The following ANO1 variants were observed in gnomAD, a reference collection of about 807,000 sequenced individuals.
The protein encoded by ANO1 is anoctamin 1, also known as anoctamin-1.
ANO1 carries 59 observed loss-of-function variants against 124.0 expected under a neutral mutation model. That is an observed-to-expected ratio of 0.48 (90% CI 0.39 to 0.59). The LOEUF is 0.59. Ranked by LOEUF, ANO1 falls within the 20% of genes least tolerant of loss-of-function variation. The pLI is 0.00. For synonymous variants in ANO1, 529 were observed against 532.0 expected (o/e 0.99, Z 0.08); for missense variants, 1,059 against 1,328.0 (o/e 0.80, Z 3.15).
intron 16 of ANO1, 86 bp from the exon 17 acceptor site, chr11:70,161,075 A>T: frequency 8.0e-7 from 1 of 1,248,232 alleles, no homozygotes; most frequent in Non-Finnish European, 1.1e-6. Context: ...AGGTTGGGGG[A>T]CAGCTGGACT....
chr11:70,164,864 T>G (rs952263975), intron 19 of ANO1, among the ~76,000 whole-genome samples: 3 of 152,156 alleles, frequency 2.0e-5, no homozygotes, highest in Non-Finnish European at 4.4e-5. Flanking sequence ...GGAGGCGCCC[T>G]GAGGCCCTGC....
At chr11:70,006,723 G>T (rs2120353702) in intron 1 of ANO1, among the ~76,000 whole-genome samples, 1 of 118,116 alleles carries the variant, frequency 8.5e-6, no homozygotes, top group East Asian at 2.7e-4. Context: ...AGACTGGAGT[G>T]CAGTGTTGCG....
intron 12 of ANO1, chr11:70,149,997 C>T: frequency 1.5e-6 from 1 of 678,332 alleles, no homozygotes; most frequent in South Asian, 1.5e-5. Context: ...CCAAAGTGAC[C>T]ACTCCCTGTC....
intron 16 of ANO1, among the ~76,000 whole-genome samples, chr11:70,159,482 C>T (rs2047958992): frequency 6.6e-6 from 1 of 152,206 alleles, no homozygotes; most frequent in Admixed American, 6.5e-5. Context: ...TGGTAAACCC[C>T]TGTCACAAGG....
chr11:70,136,588 A>C (rs777695837), intron 11 of ANO1, among the ~76,000 whole-genome samples: 1 of 147,496 alleles, frequency 6.8e-6, no homozygotes, highest in Non-Finnish European at 1.5e-5. Context: ...AGGGCCTGCA[A>C]GCCTCTGTGA....
intron 1 of ANO1, among the ~76,000 whole-genome samples, chr11:70,030,035 G>C (rs782179923): frequency 1.3e-5 from 2 of 152,214 alleles, no homozygotes; most frequent in African/African-American, 2.4e-5. Flanking sequence ...ATGGCTCCTA[G>C]GTGGTGCCAC....
At chr11:70,169,505 G>A (rs573091454) in intron 21 of ANO1, among the ~76,000 whole-genome samples, 11 of 150,166 alleles carry the variant, frequency 7.3e-5, no homozygotes, top group African/African-American at 2.7e-4. Flanking sequence ...CAGCTCCCTG[G>A]TCATACCCTT....
At chr11:69,996,354 C>T (rs1856271755) in intron 1 of ANO1, among the ~76,000 whole-genome samples, 1 of 152,136 alleles carries the variant, frequency 6.6e-6, no homozygotes, top group Non-Finnish European at 1.5e-5. Context: ...ATTTAAAATG[C>T]TCCCTTGGCC....
In ANO1 at chr11:70,078,650, G is replaced by A; in HGVS notation, c.44G>A (p.Arg15His). The A allele has an allele frequency of 7.3e-6, 11 of 1,500,226 alleles. No homozygotes were observed. Among genetic ancestry groups the A allele is most frequent in the East Asian group, 2.9e-5 (1 of 33,956 alleles). 92.9% of individuals were successfully genotyped at this position (1,500,226 alleles called of 1,614,324 possible). A position where few individuals can be genotyped will look rare whatever the true frequency, so the allele number is the denominator to read the frequency against. Reference sequence around the variant, plus strand: ...TACTCGACGCTCCCGGCCGAGGACCGCAGCGTCCACATCATCAACATCTGC... The same window carrying A: ...TACTCGACGCTCCCGGCCGAGGACCACAGCGTCCACATCATCAACATCTGC... ...EKYSTLPAED[R>H]SVHIINICAI... is the part of the protein sequence containing the mutation. Residue 15 changes from arginine (R) to histidine (H), a missense_variant, in exon 1 of 26, where the codon CGC becomes CAC. Transcript: ENST00000355303.
chr11:69,983,572 G>T (rs1855976477), upstream of ANO1, among the ~76,000 whole-genome samples: 1 of 151,878 alleles, frequency 6.6e-6, no homozygotes, highest in South Asian at 2.1e-4. Flanking sequence ...AATAAGCAGG[G>T]TGCTCCGGGT....
In ANO1 at chr11:70,152,208, C is replaced by T. The variant is rs183650684; in HGVS notation, c.1342-242C>T. On this transcript the variant is annotated intron_variant, in intron 12 of 25. Coordinates refer to ENST00000355303, the MANE Select transcript of ANO1 (RefSeq NM_018043.7). ...AAAATTAGCCGGGCGTGGTGGCGGG[C>T]GCCTGTATCCCAGCTACTCAGGAGG... 7.6e-3 allele frequency among the ~76,000 whole-genome samples: 1,149 copies of T among 151,930 alleles called. 19 individuals are homozygous for T. Among genetic ancestry groups the T allele is most frequent in the African/African-American group, 0.027 (1,101 of 41,432 alleles).
rs368723579 is a variant in ANO1, at chr11:69,988,005, C to T, written c.58+1839C>T. Among the ~76,000 whole-genome samples, 13 of 152,266 alleles carry T rather than the reference C, an allele frequency of 8.5e-5. No homozygotes were observed. The South Asian group carries it at 2.1e-3, about 24-fold the overall frequency. ...CGTGCCCCCTGCTGTGGGTAGCAGCCGTGTCAGGAGTAAGACCCCAGGACG... is the reference window on the plus strand; with the variant it reads ...CGTGCCCCCTGCTGTGGGTAGCAGCTGTGTCAGGAGTAAGACCCCAGGACG... On this transcript the variant is annotated intron_variant, in intron 1 of 27. Transcript: ENST00000531349.
intron 1 of ANO1, among the ~76,000 whole-genome samples, chr11:70,012,458 T>C (rs1856615293): frequency 6.8e-6 from 1 of 147,912 alleles, no homozygotes; most frequent in Non-Finnish European, 1.5e-5. Context: ...ATCTATCTAT[T>C]TGTCCACAAA....
At chr11:70,101,779 C>T (rs2045287894) in intron 2 of ANO1, among the ~76,000 whole-genome samples, 1 of 152,100 alleles carries the variant, frequency 6.6e-6, no homozygotes, top group Non-Finnish European at 1.5e-5. Flanking sequence ...ACTCGCTCTT[C>T]CTCCCGTCTG....
chr11:70,059,984 C>T (rs6591898), intron 1 of ANO1, among the ~76,000 whole-genome samples: 13 of 125,086 alleles, frequency 1.0e-4, no homozygotes, highest in South Asian at 2.7e-4. Flanking sequence ...TTGCTGTCCT[C>T]TTGGCATAGA....
rs1290127882 is a variant in ANO1 at position 70,063,198 on chromosome 11, C to T, written c.59-15344C>T. 3.9e-5 allele frequency among the ~76,000 whole-genome samples: 6 copies of T among 152,108 alleles called. No homozygotes were observed. In the South Asian group the frequency reaches 6.2e-4, roughly 16 times the overall value. On this transcript the variant is annotated intron_variant, in intron 1 of 27. Transcript: ENST00000531349. ...CCTCCCAAAGTGCTGGGATTATAGG[C>T]GTGAGCCACCGCGCCCAGCCGATAA... is the stretch of plus-strand genomic sequence containing the variant.
upstream of ANO1, among the ~76,000 whole-genome samples, chr11:69,985,634 G>A (rs143329707): frequency 0.018 from 2,751 of 152,298 alleles, 71 homozygotes; most frequent in African/African-American, 0.063. Context: ...GGCTGGGGGT[G>A]CACCTCGCAG....
At chr11:70,075,071 G>T (rs1333129936), upstream of ANO1, 2 of 152,180 alleles carry the variant, frequency 1.3e-5, no homozygotes, top group Admixed American at 6.5e-5. Context: ...TCTTGTTCCG[G>T]TCCATGGTCT....
At chr11:70,095,079 G>A (rs986378901) in intron 2 of ANO1, among the ~76,000 whole-genome samples, 59 of 151,876 alleles carry the variant, frequency 3.9e-4, no homozygotes, top group Non-Finnish European at 6.3e-4. Flanking sequence ...GGTGGCTGGC[G>A]CCTGTAGTCC....
Sources: allele counts gnomAD v4.1 joint callset (sites outside exome capture counted in the v4.1 genomes callset), GRCh38; gene constraint gnomAD v4.1.1; transcripts MANE v1.5; gene names NCBI Gene and HGNC (gene_info 2026-07-23, HGNC 2026-07-21).